The following ADAMTS12 variants were observed in gnomAD, a reference collection of about 807,000 sequenced individuals.
ADAMTS12 encodes ADAM metallopeptidase with thrombospondin type 1 motif 12, also known as A disintegrin and metalloproteinase with thrombospondin motifs 12.
ADAMTS12 carries 118 observed loss-of-function variants against 167.8 expected under a neutral mutation model. The ratio of observed to expected loss-of-function variants is 0.70; its 90% confidence interval spans 0.61 to 0.82. The LOEUF (loss-of-function observed/expected upper bound fraction) is 0.82, where lower values mean the gene tolerates loss of function less well. ADAMTS12 is among the 40% of genes least tolerant of loss of function. The probability of loss-of-function intolerance (pLI) is 0.00; values close to 1 mark genes in which losing one functional copy is unlikely to be tolerated. For synonymous variants in ADAMTS12, 704 were observed against 716.9 expected (o/e 0.98, Z 0.29); for missense variants, 1,916 against 1,998.8 (o/e 0.96, Z 0.79).
chr5:33,669,479 G>C (rs1406525638), intron 5 of ADAMTS12, among the ~76,000 whole-genome samples: 1 of 152,112 alleles, frequency 6.6e-6, no homozygotes, highest in Non-Finnish European at 1.5e-5. Flanking sequence ...TAGTTCTACT[G>C]TGTGTGTTTA....
At chr5:33,671,585 G>T (rs1351983633) in intron 5 of ADAMTS12, among the ~76,000 whole-genome samples, 2 of 152,048 alleles carry the variant, frequency 1.3e-5, no homozygotes, top group African/African-American at 4.8e-5. Context: ...ACACTTTCTG[G>T]TATGATCCTA....
intron 9 of ADAMTS12, among the ~76,000 whole-genome samples, chr5:33,645,171 A>C (rs1335424296): frequency 1.3e-5 from 1 of 75,204 alleles, no homozygotes; most frequent in Non-Finnish European, 3.3e-5. Context: ...TATTATTATT[A>C]TTATTATTAT....
intron 3 of ADAMTS12, among the ~76,000 whole-genome samples, chr5:33,743,093 T>A (rs1052561340): frequency 1.3e-5 from 2 of 151,448 alleles, no homozygotes; most frequent in Non-Finnish European, 2.9e-5. Context: ...GGGAGAGGAG[T>A]GTTCCAGGCA....
intron 3 of ADAMTS12, among the ~76,000 whole-genome samples, chr5:33,699,959 G>T (rs371011971): frequency 2.6e-5 from 4 of 152,116 alleles, no homozygotes; most frequent in African/African-American, 9.7e-5. Context: ...AACATCATTA[G>T]CTATCAGGGA....
chr5:33,880,241 C>T (rs548868915), intron 2 of ADAMTS12, among the ~76,000 whole-genome samples: 1 of 152,332 alleles, frequency 6.6e-6, no homozygotes, highest in African/African-American at 2.4e-5. Flanking sequence ...GGACAATGTA[C>T]ATAAACCACA....
In ADAMTS12 at chr5:33,658,221, G is replaced by A. The variant is rs201225424; in HGVS notation, c.1153C>T (p.Pro385Ser). 164 of 1,613,668 alleles carry A rather than the reference G, an allele frequency of 1.0e-4. No individual in the cohort carries two copies. The highest frequency in any genetic ancestry group is 1.3e-4 in the Non-Finnish European group (153 of 1,179,690). ...SCNINEDSGL[P>S]LAFTIAHELG... is the part of the protein sequence containing the mutation. ...TCATGGGCAATTGTGAAAGCCAGAG[G>A]GAGTCCCGAATCTTCATTGATGTTA... The change falls in exon 7 of 24, where the codon CCT becomes TCT. Residue 385 changes from proline (P) to serine (S), a missense_variant. Transcript: ENST00000504830.
At chr5:33,643,768 C>T (rs1046811084) in intron 9 of ADAMTS12, among the ~76,000 whole-genome samples, 1 of 152,232 alleles carries the variant, frequency 6.6e-6, no homozygotes, top group Non-Finnish European at 1.5e-5. Flanking sequence ...ATCCAGCCCT[C>T]ATTGCTCTTG....
At chr5:33,800,802 G>T (rs1414839997) in intron 2 of ADAMTS12, among the ~76,000 whole-genome samples, 1 of 152,132 alleles carries the variant, frequency 6.6e-6, no homozygotes, top group Non-Finnish European at 1.5e-5. Flanking sequence ...CAGAAATTTT[G>T]TGAGCTGGTG....
chr5:33,616,325 G>A (rs1423132628), intron 14 of ADAMTS12, among the ~76,000 whole-genome samples: 2 of 152,158 alleles, frequency 1.3e-5, no homozygotes, highest in Non-Finnish European at 2.9e-5. Context: ...GAGCAGATTG[G>A]ACTCTGAAGC....
chr5:33,531,066 A>T (rs1444052234), intron 23 of ADAMTS12, among the ~76,000 whole-genome samples: 1 of 152,212 alleles, frequency 6.6e-6, no homozygotes, highest in Non-Finnish European at 1.5e-5. Flanking sequence ...ACACATACAG[A>T]GGAGGAAAAG....
chr5:33,671,501 C>T (rs1303472004), intron 5 of ADAMTS12, among the ~76,000 whole-genome samples: 1 of 152,100 alleles, frequency 6.6e-6, no homozygotes, highest in East Asian at 1.9e-4. Context: ...TCAAAACAAA[C>T]AGAAAAATAC....
intron 2 of ADAMTS12, among the ~76,000 whole-genome samples, chr5:33,780,450 A>G (rs1313329473): frequency 6.6e-6 from 1 of 152,178 alleles, no homozygotes; most frequent in African/African-American, 2.4e-5. Context: ...CATGTGCATG[A>G]TCTTCATATG....
At chr5:33,783,049 AAG>A (rs891883912) in intron 2 of ADAMTS12, among the ~76,000 whole-genome samples, 18 of 152,174 alleles carry the variant, frequency 1.2e-4, no homozygotes, top group African/African-American at 4.3e-4. Context: ...AGAAATGTAA[AAG>A]AGTTAAAATC....
Position 33,845,634 on chromosome 5 carries a change from T to C in ADAMTS12, c.489+35485A>G, listed in dbSNP as rs139307143. Among the ~76,000 whole-genome samples the C allele has an allele frequency of 1.3e-3, 203 of 152,284 alleles. 1 individual carries two copies. Among genetic ancestry groups the C allele is most frequent in the African/African-American group, 4.7e-3 (195 of 41,546 alleles). On this transcript the variant is annotated intron_variant, in intron 2 of 23. Transcript: ENST00000504830. Reference sequence around the variant, plus strand: ...GTTTCAAAGCATTTTCCCTCAAATGTATATTAATTAGAAAGAGAAAAAAGA... The same window carrying C: ...GTTTCAAAGCATTTTCCCTCAAATGCATATTAATTAGAAAGAGAAAAAAGA...
At chr5:33,560,760 G>C (rs1579666726) in intron 20 of ADAMTS12, among the ~76,000 whole-genome samples, 1 of 133,240 alleles carries the variant, frequency 7.5e-6, no homozygotes, top group South Asian at 2.7e-4. Flanking sequence ...TCACACACCG[G>C]GGCCTGTTGT....
At chr5:33,802,067 C>T (rs1747033304) in intron 2 of ADAMTS12, among the ~76,000 whole-genome samples, 1 of 152,182 alleles carries the variant, frequency 6.6e-6, no homozygotes, top group South Asian at 2.1e-4. Flanking sequence ...CCCATTCTAC[C>T]ATGTAAGGTT....
rs149953346 is a variant in ADAMTS12 at position 33,875,698 on chromosome 5, T to C, written c.489+5421A>G. ...AAAACAAAACAAAACAGATAGTTAA[T>C]AGTATACCCAATGATAAAAGTCTGA... On this transcript the variant is annotated intron_variant, in intron 2 of 23. Coordinates refer to ENST00000504830, the MANE Select transcript of ADAMTS12 (RefSeq NM_030955.4). 2.7e-4 allele frequency among the ~76,000 whole-genome samples: 41 copies of C among 152,294 alleles called. 1 individual carries two copies. Among genetic ancestry groups the C allele is most frequent in the Middle Eastern group, 3.4e-3 (1 of 294 alleles).
chr5:33,842,003 T>C (rs1748761369), intron 2 of ADAMTS12, among the ~76,000 whole-genome samples: 1 of 152,166 alleles, frequency 6.6e-6, no homozygotes, highest in Non-Finnish European at 1.5e-5. Flanking sequence ...CCTTTTTGAC[T>C]TCATGATCTC....
chr5:33,841,514 C>T (rs1193784550), intron 2 of ADAMTS12, among the ~76,000 whole-genome samples: 1 of 152,172 alleles, frequency 6.6e-6, no homozygotes, highest in Non-Finnish European at 1.5e-5. Flanking sequence ...TTCTTTCTTT[C>T]AAATAGGGTG....
Sources: allele counts gnomAD v4.1 joint callset (sites outside exome capture counted in the v4.1 genomes callset), GRCh38; gene constraint gnomAD v4.1.1; transcripts MANE v1.5; gene names NCBI Gene and HGNC (gene_info 2026-07-23, HGNC 2026-07-21).